CSMD3: variants seen among roughly 807,000 people sequenced by gnomAD.
CSMD3 encodes the protein CUB and Sushi multiple domains 3, also known as CUB and sushi domain-containing protein 3.
In CSMD3, 177 loss-of-function variants were observed where a neutral mutation model predicts 435.2. The ratio of observed to expected loss-of-function variants is 0.41; its 90% CI spans 0.36 to 0.46. The LOEUF is 0.46. CSMD3 is among the 20% of genes least tolerant of loss of function. The probability of loss-of-function intolerance (pLI) is 0.34; values close to 1 mark genes in which losing one functional copy is unlikely to be tolerated. For missense variants in CSMD3, 4,265 were observed against 4,504.6 expected (o/e 0.95, Z 1.52); for synonymous variants, 1,656 against 1,520.5 (o/e 1.09, Z -2.07).
chr8:112,959,664 T>A (rs2084157613), intron 7 of CSMD3, among the ~76,000 whole-genome samples: 1 of 151,882 alleles, frequency 6.6e-6, no homozygotes, highest in Non-Finnish European at 1.5e-5. Context: ...TATAATCTTA[T>A]CTTTTACTTT....
chr8:113,295,672 G>C (rs1416507232), intron 2 of CSMD3, among the ~76,000 whole-genome samples: 1 of 152,154 alleles, frequency 6.6e-6, no homozygotes, highest in Non-Finnish European at 1.5e-5. Context: ...TGGGCGAATT[G>C]CCTAAGCTTA....
At chr8:112,436,801 A>G (rs1814406365) in intron 32 of CSMD3, among the ~76,000 whole-genome samples, 1 of 152,012 alleles carries the variant, frequency 6.6e-6, no homozygotes, top group African/African-American at 2.4e-5. Context: ...GTAGGAGTCT[A>G]CTGAAATGCT....
chr8:113,105,859 A>C (rs1238903340), intron 4 of CSMD3, among the ~76,000 whole-genome samples: 2 of 141,866 alleles, frequency 1.4e-5, no homozygotes, highest in Non-Finnish European at 3.0e-5. Context: ...ATATCTTAAA[A>C]TTCACAATGT....
intron 1 of CSMD3, among the ~76,000 whole-genome samples, chr8:113,325,882 G>A (rs955195044): frequency 6.6e-6 from 1 of 151,966 alleles, no homozygotes; most frequent in Non-Finnish European, 1.5e-5. Flanking sequence ...TGTCCATCAG[G>A]GTAGACTTAC....
intron 5 of CSMD3, among the ~76,000 whole-genome samples, chr8:113,025,230 C>T (rs957793693): frequency 6.6e-6 from 1 of 152,028 alleles, no homozygotes; most frequent in Non-Finnish European, 1.5e-5. Flanking sequence ...GTAGAAGAGT[C>T]ACCTTTCCGA....
At chr8:112,697,600 AG>A (rs1288306959) in intron 13 of CSMD3, among the ~76,000 whole-genome samples, 2 of 138,704 alleles carry the variant, frequency 1.4e-5, no homozygotes, top group Non-Finnish European at 3.1e-5. Context: ...GGGTGGGGGC[AG>A]GGGGGAGGGT....
chr8:112,521,152 A>T (rs1485425758), intron 27 of CSMD3, among the ~76,000 whole-genome samples: 1 of 151,976 alleles, frequency 6.6e-6, no homozygotes, highest in Non-Finnish European at 1.5e-5. Flanking sequence ...TGTGGCTTCT[A>T]TCTTCCATTT....
At chr8:113,417,196 A>G (rs1438905170) in intron 1 of CSMD3, among the ~76,000 whole-genome samples, 5 of 152,012 alleles carry the variant, frequency 3.3e-5, no homozygotes, top group Non-Finnish European at 7.4e-5. Context: ...AAGAAAAAAG[A>G]TTTAAAGAAG....
chr8:112,246,280 C>G (rs1456342601), intron 64 of CSMD3, among the ~76,000 whole-genome samples: 1 of 152,186 alleles, frequency 6.6e-6, no homozygotes, highest in East Asian at 1.9e-4. Flanking sequence ...CTTGTGTATG[C>G]TTCAGCAAAT....
At chr8:112,378,881 C>T (rs1829204209) in intron 38 of CSMD3, among the ~76,000 whole-genome samples, 1 of 151,884 alleles carries the variant, frequency 6.6e-6, no homozygotes, top group Non-Finnish European at 1.5e-5. Flanking sequence ...AATCACTACA[C>T]ATTGTATACA....
chr8:112,390,089 T>C (rs1282969021), intron 36 of CSMD3, among the ~76,000 whole-genome samples: 1 of 152,232 alleles, frequency 6.6e-6, no homozygotes. Flanking sequence ...AGCCAAATCA[T>C]AGTAAATCTT....
chr8:113,417,580 G>A (rs2094587724), intron 1 of CSMD3, among the ~76,000 whole-genome samples: 1 of 151,990 alleles, frequency 6.6e-6, no homozygotes. Context: ...GTTTATGTAT[G>A]AATTGTGGTG....
chr8:112,556,716 A>G (rs1350473624), intron 25 of CSMD3, 47 bp downstream of exon 25: 3 of 1,476,590 alleles, frequency 2.0e-6, no homozygotes, highest in Admixed American at 3.4e-5. Context: ...AGAATTTGAT[A>G]AAGTTTTCAC....
chr8:113,095,432 G>A (rs1461626824), intron 5 of CSMD3, among the ~76,000 whole-genome samples: 1 of 151,960 alleles, frequency 6.6e-6, no homozygotes, highest in African/African-American at 2.4e-5. Context: ...AACCCCTCCA[G>A]TCAGCCTATC....
intron 4 of CSMD3, among the ~76,000 whole-genome samples, chr8:113,151,991 T>C (rs1289709054): frequency 6.6e-6 from 1 of 151,974 alleles, no homozygotes. Flanking sequence ...CTTGAGTACA[T>C]TTCCAGAGTA....
At chr8:112,469,409 A>G (rs920620163) in intron 32 of CSMD3, among the ~76,000 whole-genome samples, 1 of 152,094 alleles carries the variant, frequency 6.6e-6, no homozygotes. Context: ...AGGATGTTAG[A>G]GCCTTAACCC....
At chr8:113,358,401 G>T (rs1392088376) in intron 1 of CSMD3, among the ~76,000 whole-genome samples, 8 of 152,122 alleles carry the variant, frequency 5.3e-5, no homozygotes. Flanking sequence ...TGCTCAGGCT[G>T]GAGTGCAGTG....
chr8:112,743,084 G>GC (rs2077347127), intron 13 of CSMD3, among the ~76,000 whole-genome samples: 1 of 152,020 alleles, frequency 6.6e-6, no homozygotes, highest in Non-Finnish European at 1.5e-5. Context: ...ATTCTTAAGT[G>GC]ACTCTGTGTG....
rs59218005 is a variant in CSMD3, at chr8:112,528,325, A to C, written c.4565-11100T>G. ...AAAAAAAACCAAGTAATAATATCTT[A>C]AAATAACTAGTTATACACTCTTAGG... On this transcript the variant is annotated intron_variant, in intron 27 of 70. Coordinates refer to ENST00000297405, the MANE Select transcript of CSMD3 (RefSeq NM_198123.2). Among the ~76,000 whole-genome samples the C allele has an allele frequency of 4.5e-4, 68 of 152,292 alleles. No individual in the cohort carries two copies. The East Asian group carries it at 0.013, about 29-fold the overall frequency.
Sources: gnomAD v4.1 joint callset for allele counts (sites outside exome capture counted in the v4.1 genomes callset) on GRCh38, gnomAD v4.1.1 for gene constraint, MANE v1.5 for transcripts, NCBI Gene and HGNC (gene_info 2026-07-23, HGNC 2026-07-21) for gene names.